The following GPC5 variants were observed in gnomAD, a reference collection of about 807,000 sequenced individuals.
The protein encoded by GPC5 is glypican-5.
A neutral mutation model predicts 53.9 loss-of-function variants in GPC5; 47 were observed. The observed-to-expected ratio is 0.87, with a 90% CI of 0.69 to 1.11. The LOEUF is 1.11. GPC5 is among the 50% of genes most tolerant of loss of function. GPC5 has a pLI of 0.00. For synonymous variants in GPC5, 286 were observed against 263.3 expected, an observed-to-expected ratio of 1.09 and a Z score of -0.84; for missense variants, 748 against 713.1, an observed-to-expected ratio of 1.05 and a Z score of -0.56.
chr13:92,652,931 C>A (rs1178603126), intron 7 of GPC5, among the ~76,000 whole-genome samples: 4 of 152,084 alleles, frequency 2.6e-5, no homozygotes, highest in African/African-American at 9.7e-5. Flanking sequence ...AAAAAGTGTG[C>A]ATCTCTCCTC....
intron 7 of GPC5, among the ~76,000 whole-genome samples, chr13:92,850,595 T>G (rs979181158): frequency 1.3e-5 from 2 of 151,706 alleles, no homozygotes; most frequent in African/African-American, 2.4e-5. Flanking sequence ...CGAGACTCCA[T>G]CTCAAGAAAG....
intron 2 of GPC5, among the ~76,000 whole-genome samples, chr13:91,586,524 A>G (rs1396851007): frequency 3.9e-4 from 11 of 28,502 alleles, no homozygotes; most frequent in African/African-American, 2.6e-3. Flanking sequence ...ATATATATAT[A>G]TATATATATA....
intron 5 of GPC5, among the ~76,000 whole-genome samples, chr13:91,875,972 T>C (rs1245837513): frequency 6.6e-6 from 1 of 152,204 alleles, no homozygotes; most frequent in Non-Finnish European, 1.5e-5. Context: ...GGGAGGTAAT[T>C]GAATCATTGA....
intron 7 of GPC5, among the ~76,000 whole-genome samples, chr13:92,684,813 T>C (rs1472041827): frequency 1.3e-5 from 2 of 152,204 alleles, no homozygotes; most frequent in Non-Finnish European, 2.9e-5. Context: ...AAGAAACTGC[T>C]AAACTGTCTT....
rs574368499 is a variant in GPC5 at position 92,794,620 on chromosome 13, T to C, written c.1562-71662T>C. ...TCCCTGTTTGCAGATGACAAGGCTG[T>C]GTATTTAGAAAACCCCATCGTCTCA... On this transcript the variant is annotated intron_variant, in intron 7 of 7. Coordinates refer to ENST00000377067, the MANE Select transcript of GPC5 (RefSeq NM_004466.6). Among the ~76,000 whole-genome samples, 214 of 152,294 alleles carry C rather than the reference T, an allele frequency of 1.4e-3. 6 individuals carry two copies. The highest frequency in any genetic ancestry group is 0.014 in the Middle Eastern group (4 of 294).
At chr13:92,607,471 A>C (rs1289943923) in intron 7 of GPC5, among the ~76,000 whole-genome samples, 3 of 152,166 alleles carry the variant, frequency 2.0e-5, no homozygotes, top group Non-Finnish European at 4.4e-5. Context: ...AACGACAGAA[A>C]AAAAAAATTT....
intron 7 of GPC5, among the ~76,000 whole-genome samples, chr13:92,210,079 C>T (rs1030510562): frequency 2.6e-5 from 4 of 152,194 alleles, no homozygotes; most frequent in South Asian, 2.1e-4. Flanking sequence ...GAGGGTGGAT[C>T]GGCCTTTCCC....
intron 7 of GPC5, among the ~76,000 whole-genome samples, chr13:92,494,309 T>G (rs1455377911): frequency 6.6e-6 from 1 of 152,186 alleles, no homozygotes; most frequent in Non-Finnish European, 1.5e-5. Context: ...CAGGATGGTC[T>G]CGATCTCCTG....
chr13:92,727,609 A>G (rs1888681781), intron 7 of GPC5, among the ~76,000 whole-genome samples: 1 of 151,354 alleles, frequency 6.6e-6, no homozygotes. Context: ...CAAGAAATTC[A>G]TCTCTTCATT....
In GPC5 at chr13:92,728,838, A is replaced by G. The variant is rs183669591; in HGVS notation, c.1562-137444A>G. ...AGAAAATTAGAGATTATCTAGTTTA[A>G]TTACTCAATTTTAAAGTTGCAGAAA... On this transcript the variant is annotated intron_variant, in intron 7 of 7. Coordinates refer to ENST00000377067, the MANE Select transcript of GPC5 (RefSeq NM_004466.6). Among the ~76,000 whole-genome samples the G allele has an allele frequency of 2.4e-4, 36 of 151,526 alleles. 1 individual carries two copies. In the East Asian group the frequency reaches 6.4e-3, roughly 27 times the overall value.
chr13:91,684,491 A>G lies in GPC5; in HGVS notation c.326-8696A>G, dbSNP rs1169103132. Among the ~76,000 whole-genome samples, 3 of 152,296 alleles carry G rather than the reference A, an allele frequency of 2.0e-5. No homozygotes were observed. The South Asian group carries it at 6.2e-4, about 32-fold the overall frequency. ...ATACTGAGGCCCAGTCTTCAGATTT[A>G]TCCTTCATTTATCCATTTCCTATAC... On this transcript the variant is annotated intron_variant, in intron 2 of 7. Coordinates refer to ENST00000377067, the MANE Select transcript of GPC5 (RefSeq NM_004466.6).
intron 6 of GPC5, among the ~76,000 whole-genome samples, chr13:91,973,238 C>T (rs1319501059): frequency 2.0e-5 from 3 of 152,192 alleles, no homozygotes; most frequent in African/African-American, 7.2e-5. Context: ...CACTGATACC[C>T]TTTCTTCCAG....
In GPC5 at chr13:92,849,855, A is replaced by C. The variant is rs117844884; in HGVS notation, c.1562-16427A>C. On this transcript the variant is annotated intron_variant, in intron 7 of 7. Transcript: ENST00000377067. Reference sequence around the variant, plus strand: ...ACACTGCTCAGTATTTTTAATCACAATAGTCTTCATATCAAGGATGATCAT... The same window carrying C: ...ACACTGCTCAGTATTTTTAATCACACTAGTCTTCATATCAAGGATGATCAT... Among the ~76,000 whole-genome samples, 1,151 of 152,340 alleles carry C rather than the reference A, an allele frequency of 7.6e-3. 11 individuals carry two copies. The highest frequency in any genetic ancestry group is 0.013 in the Non-Finnish European group (908 of 68,026).
intron 7 of GPC5, among the ~76,000 whole-genome samples, chr13:92,270,320 C>T (rs902663652): frequency 1.3e-5 from 2 of 152,172 alleles, no homozygotes; most frequent in African/African-American, 2.4e-5. Context: ...GTGATTGGAA[C>T]ATAGGGGTGG....
At position 91,522,061 on chromosome 13, in the gene GPC5, T is replaced by C. The variant is rs545868119; in HGVS notation, c.325+73139T>C. On this transcript the variant is annotated intron_variant, in intron 2 of 7. Coordinates refer to ENST00000377067, the MANE Select transcript of GPC5 (RefSeq NM_004466.6). ...GGGTATGTATGGCACCTCTGTGCCC[T>C]CCCCAGGAGTGCCACCATCCAGGAA... Among the ~76,000 whole-genome samples the C allele has an allele frequency of 2.6e-4, 40 of 152,370 alleles. 1 individual carries two copies. The highest frequency in any genetic ancestry group is 9.8e-4 in the Admixed American group (15 of 15,310).
At chr13:92,735,450 G>A (rs529203144) in intron 7 of GPC5, among the ~76,000 whole-genome samples, 6 of 151,760 alleles carry the variant, frequency 4.0e-5, no homozygotes, top group South Asian at 2.1e-4. Context: ...TCTTCTTCTC[G>A]ATAGTGTGAC....
chr13:91,809,126 G>A (rs2038270683), intron 5 of GPC5, among the ~76,000 whole-genome samples: 1 of 152,068 alleles, frequency 6.6e-6, no homozygotes, highest in Admixed American at 6.6e-5. Context: ...GCATGATTAA[G>A]CCCTCATCAA....
intron 2 of GPC5, among the ~76,000 whole-genome samples, chr13:91,540,209 C>G (rs929042117): frequency 6.6e-6 from 1 of 152,200 alleles, no homozygotes; most frequent in Non-Finnish European, 1.5e-5. Context: ...TCAAAACTAA[C>G]AGCTGGCCCT....
intron 7 of GPC5, among the ~76,000 whole-genome samples, chr13:92,293,727 G>A (rs914403228): frequency 2.0e-5 from 3 of 152,132 alleles, no homozygotes; most frequent in Admixed American, 6.5e-5. Context: ...CCAGTACTAT[G>A]TTGAAGAGGA....
Sources: allele counts gnomAD v4.1 joint callset (sites outside exome capture counted in the v4.1 genomes callset), GRCh38; gene constraint gnomAD v4.1.1; transcripts MANE v1.5; gene names NCBI Gene and HGNC (gene_info 2026-07-23, HGNC 2026-07-21).